Variants in PLCZ1 observed in about 807,000 individuals in gnomAD.
PLCZ1 encodes 1-phosphatidylinositol 4,5-bisphosphate phosphodiesterase zeta-1.
Under a neutral mutation model 76.8 loss-of-function variants are expected in PLCZ1, and 64 were observed. The observed-to-expected ratio is 0.83, with a 90% CI of 0.68 to 1.03. The LOEUF is 1.03. Ranked by LOEUF, PLCZ1 falls within the 50% of genes least tolerant of loss-of-function variation. The pLI is 0.00. For synonymous variants in PLCZ1, 248 were observed against 230.8 expected (o/e 1.07, Z -0.68); for missense variants, 751 against 713.7 (o/e 1.05, Z -0.60).
At chr12:18,685,137 C>A (rs1286676309) in intron 13 of PLCZ1, among the ~76,000 whole-genome samples, 1 of 152,026 alleles carries the variant, frequency 6.6e-6, no homozygotes. Context: ...GAGTTCCATA[C>A]TTAGTTGTTA....
chr12:18,675,023 G>A, the PLCZ1 span, among the ~76,000 whole-genome samples: 3 of 152,100 alleles, frequency 2.0e-5, no homozygotes, highest in Non-Finnish European at 2.9e-5. Flanking sequence ...TTCCAAAGAC[G>A]GCAATAGTCT....
intron 6 of PLCZ1, among the ~76,000 whole-genome samples, chr12:18,706,525 G>A (rs895776730): frequency 3.3e-5 from 5 of 152,154 alleles, no homozygotes; most frequent in Non-Finnish European, 7.3e-5. Flanking sequence ...TAATAGCAAA[G>A]GAGTTTTATT....
chr12:18,702,452 G>A (rs980379453), intron 7 of PLCZ1, among the ~76,000 whole-genome samples: 5 of 151,988 alleles, frequency 3.3e-5, no homozygotes, highest in Admixed American at 2.6e-4. Context: ...TTTAAGTACC[G>A]GCTCTGTTAT....
chr12:18,737,919 C>T lies in PLCZ1; in HGVS notation c.-139+13G>A, dbSNP rs540966530. ...TAGATCGTTGACAACATATAATGCACACAGAGACACACCACTTTCGAAGAA... is the reference window on the plus strand; with the variant it reads ...TAGATCGTTGACAACATATAATGCATACAGAGACACACCACTTTCGAAGAA... On this transcript the variant is annotated intron_variant, in intron 1 of 14. Transcript: ENST00000266505. 1 of 303,854 alleles carries T rather than the reference C, an allele frequency of 3.3e-6. No individual in the cohort carries two copies. The highest frequency in any genetic ancestry group is 6.7e-5 in the East Asian group (1 of 14,890). The allele number at this position is 303,854 out of a possible 1,614,324, so 18.8% of individuals were successfully genotyped here.
intron 3 of PLCZ1, among the ~76,000 whole-genome samples, chr12:18,730,657 C>T (rs1179530883): frequency 6.6e-6 from 1 of 152,044 alleles, no homozygotes; most frequent in East Asian, 1.9e-4. Context: ...AATTAGTGAG[C>T]CATTTCCGTA....
At chr12:18,706,336 A>C (rs756410011) in intron 6 of PLCZ1, among the ~76,000 whole-genome samples, 1 of 152,214 alleles carries the variant, frequency 6.6e-6, no homozygotes, top group African/African-American at 2.4e-5. Context: ...AAAAAGTAGC[A>C]TGCTATATTT....
the PLCZ1 span, among the ~76,000 whole-genome samples, chr12:18,664,054 C>T: frequency 1.3e-5 from 2 of 152,112 alleles, no homozygotes; most frequent in Admixed American, 1.3e-4. Context: ...ATATAACACT[C>T]ACACTCATTA....
the PLCZ1 span, among the ~76,000 whole-genome samples, chr12:18,675,089 G>A: frequency 6.6e-6 from 1 of 152,144 alleles, no homozygotes; most frequent in East Asian, 1.9e-4. Context: ...TTGAGCACTG[G>A]AAATGTGATT....
intron 13 of PLCZ1, chr12:18,685,434 AT>A: frequency 5.0e-6 from 1 of 199,016 alleles, no homozygotes; most frequent in African/African-American, 2.3e-5. Flanking sequence ...ATTATTTTTC[AT>A]TTACAAAGGC....
chr12:18,672,801 C>G, the PLCZ1 span, among the ~76,000 whole-genome samples: 1 of 152,138 alleles, frequency 6.6e-6, no homozygotes, highest in Non-Finnish European at 1.5e-5. Context: ...CCTAACCTAA[C>G]AGGAGCAAGA....
the PLCZ1 span, among the ~76,000 whole-genome samples, chr12:18,676,840 C>T: frequency 6.6e-6 from 1 of 152,050 alleles, no homozygotes; most frequent in Non-Finnish European, 1.5e-5. Flanking sequence ...TGGAAACACA[C>T]ATATAAGATT....
the PLCZ1 span, among the ~76,000 whole-genome samples, chr12:18,675,197 A>G: frequency 1.9e-3 from 287 of 152,314 alleles, 1 homozygote; most frequent in African/African-American, 6.8e-3. Context: ...AGATGGCTAC[A>G]GTCACATGAG....
chr12:18,664,108 C>T, the PLCZ1 span, among the ~76,000 whole-genome samples: 2 of 152,086 alleles, frequency 1.3e-5, no homozygotes, highest in African/African-American at 4.8e-5. Flanking sequence ...CAAACAAAGA[C>T]ACACCAGAAA....
the PLCZ1 span, among the ~76,000 whole-genome samples, chr12:18,647,235 T>C: frequency 6.6e-6 from 1 of 152,020 alleles, no homozygotes; most frequent in Non-Finnish European, 1.5e-5. Context: ...AGGAAAATCA[T>C]AGAAATTGGT....
At chr12:18,660,582 T>G in the PLCZ1 span, among the ~76,000 whole-genome samples, 1 of 152,100 alleles carries the variant, frequency 6.6e-6, no homozygotes, top group Non-Finnish European at 1.5e-5. Context: ...GAGAAAGGTA[T>G]AGACTCAGAA....
At chr12:18,675,149 A>G in the PLCZ1 span, among the ~76,000 whole-genome samples, 2 of 152,194 alleles carry the variant, frequency 1.3e-5, no homozygotes, top group Non-Finnish European at 2.9e-5. Context: ...ATTTTAATTT[A>G]TTTAAATATA....
intron 14 of PLCZ1, 111 bp from the exon 15 acceptor site, chr12:18,683,435 A>T: frequency 6.9e-7 from 1 of 1,444,938 alleles, no homozygotes; most frequent in Non-Finnish European, 9.6e-7. Flanking sequence ...AAAAACCATG[A>T]CTATAGAGTT....
chr12:18,665,775 A>G, the PLCZ1 span, among the ~76,000 whole-genome samples: 1 of 152,038 alleles, frequency 6.6e-6, no homozygotes, highest in African/African-American at 2.4e-5. Context: ...TCTCTAGTAA[A>G]ATACAAAAAA....
chr12:18,664,833 A>G, the PLCZ1 span, among the ~76,000 whole-genome samples: 1 of 151,712 alleles, frequency 6.6e-6, no homozygotes, highest in African/African-American at 2.4e-5. Flanking sequence ...AGCCACAAAA[A>G]ATGATGAGTT....
Sources: allele counts gnomAD v4.1 joint callset (sites outside exome capture counted in the v4.1 genomes callset), GRCh38; gene constraint gnomAD v4.1.1; transcripts MANE v1.5; gene names NCBI Gene and HGNC (gene_info 2026-07-23, HGNC 2026-07-21).